PPARGC1A: variants seen among roughly 807,000 people sequenced by gnomAD.
PPARGC1A encodes the protein peroxisome proliferator-activated receptor gamma coactivator 1-alpha.
A neutral mutation model predicts 88.7 loss-of-function variants in PPARGC1A; 25 were observed. That is an observed-to-expected ratio of 0.28 (90% CI 0.21 to 0.39). PPARGC1A has a LOEUF of 0.39. Ranked by LOEUF, PPARGC1A falls within the 10% of genes least tolerant of loss-of-function variation. PPARGC1A has a pLI of 1.00. For synonymous variants in PPARGC1A, 363 were observed against 355.6 expected, an observed-to-expected ratio of 1.02 and a Z score of -0.24; for missense variants, 880 against 968.7, an observed-to-expected ratio of 0.91 and a Z score of 1.22.
chr4:24,436,011 G>A, the PPARGC1A span, among the ~76,000 whole-genome samples: 2 of 152,142 alleles, frequency 1.3e-5, no homozygotes, highest in Non-Finnish European at 2.9e-5. Context: ...GGGCTGCTAG[G>A]TTGCATCCAC....
chr4:24,079,619 A>G, the PPARGC1A span, among the ~76,000 whole-genome samples: 1 of 152,020 alleles, frequency 6.6e-6, no homozygotes, highest in South Asian at 2.1e-4. Flanking sequence ...TACATAGTCA[A>G]AATTGTCACT....
the PPARGC1A span, among the ~76,000 whole-genome samples, chr4:24,130,001 G>T: frequency 1.3e-5 from 2 of 152,100 alleles, no homozygotes; most frequent in African/African-American, 4.8e-5. Flanking sequence ...CCTGTTGAGG[G>T]GTGGGGGGAC....
the PPARGC1A span, among the ~76,000 whole-genome samples, chr4:24,154,816 T>A: frequency 6.6e-6 from 1 of 152,148 alleles, no homozygotes; most frequent in African/African-American, 2.4e-5. Flanking sequence ...ACCAGCATTA[T>A]AAAGGCAGGA....
the PPARGC1A span, among the ~76,000 whole-genome samples, chr4:24,065,143 C>G: frequency 1.3e-5 from 2 of 152,118 alleles, no homozygotes; most frequent in African/African-American, 2.4e-5. Context: ...GAGAAGGGAC[C>G]TACCTGATTC....
chr4:23,913,627 C>T, the PPARGC1A span, among the ~76,000 whole-genome samples: 70 of 152,148 alleles, frequency 4.6e-4, 1 homozygote, highest in East Asian at 2.9e-3. Flanking sequence ...ATAAGCTCCA[C>T]GAAGACAAGA....
chr4:24,378,295 C>T, the PPARGC1A span, among the ~76,000 whole-genome samples: 1 of 152,208 alleles, frequency 6.6e-6, no homozygotes, highest in African/African-American at 2.4e-5. Flanking sequence ...AGAGATCATG[C>T]CACTGCACTC....
the PPARGC1A span, among the ~76,000 whole-genome samples, chr4:23,913,007 A>T: frequency 6.8e-6 from 1 of 147,334 alleles, no homozygotes; most frequent in African/African-American, 2.5e-5. Context: ...GGGTTTCACC[A>T]TGTTAGCCAG....
At chr4:24,332,542 A>G in the PPARGC1A span, among the ~76,000 whole-genome samples, 1 of 152,206 alleles carries the variant, frequency 6.6e-6, no homozygotes, top group African/African-American at 2.4e-5. Context: ...AAACATCTTT[A>G]CCTTGTGTCT....
the PPARGC1A span, among the ~76,000 whole-genome samples, chr4:24,125,892 T>G: frequency 6.6e-6 from 1 of 152,162 alleles, no homozygotes; most frequent in East Asian, 1.9e-4. Context: ...AATAAATAAG[T>G]AAACACCTTT....
chr4:23,995,965 A>T, the PPARGC1A span, among the ~76,000 whole-genome samples: 1 of 152,232 alleles, frequency 6.6e-6, no homozygotes, highest in Non-Finnish European at 1.5e-5. Flanking sequence ...GACACCTGAC[A>T]GTAAGCCAAA....
chr4:24,262,737 T>C, the PPARGC1A span, among the ~76,000 whole-genome samples: 2 of 152,068 alleles, frequency 1.3e-5, no homozygotes, highest in Non-Finnish European at 2.9e-5. Context: ...CAGCAGGATG[T>C]GGTTTTAGTG....
At chr4:23,969,256 G>A in the PPARGC1A span, among the ~76,000 whole-genome samples, 1 of 152,096 alleles carries the variant, frequency 6.6e-6, no homozygotes, top group Non-Finnish European at 1.5e-5. Flanking sequence ...ATTTATTGAG[G>A]GCTTACTGTG....
chr4:24,340,787 T>C, the PPARGC1A span, among the ~76,000 whole-genome samples: 1 of 152,154 alleles, frequency 6.6e-6, no homozygotes, highest in African/African-American at 2.4e-5. Context: ...GACAGTTCTG[T>C]TTGAACCGTG....
At chr4:24,124,407 C>T in the PPARGC1A span, among the ~76,000 whole-genome samples, 1 of 152,224 alleles carries the variant, frequency 6.6e-6, no homozygotes, top group Non-Finnish European at 1.5e-5. Context: ...GCCCATCTGT[C>T]TTAATTCAAT....
At chr4:24,285,855 G>A in the PPARGC1A span, among the ~76,000 whole-genome samples, 7 of 152,096 alleles carry the variant, frequency 4.6e-5, no homozygotes, top group African/African-American at 1.7e-4. Flanking sequence ...AAAAATATGT[G>A]ATTTCGTTTC....
the PPARGC1A span, among the ~76,000 whole-genome samples, chr4:24,431,854 A>G: frequency 6.6e-6 from 1 of 152,244 alleles, no homozygotes; most frequent in Non-Finnish European, 1.5e-5. Context: ...AGGGAAGGAA[A>G]GTATTTCAAA....
At chr4:24,251,565 A>C in the PPARGC1A span, among the ~76,000 whole-genome samples, 2 of 152,216 alleles carry the variant, frequency 1.3e-5, no homozygotes, top group Non-Finnish European at 2.9e-5. Context: ...GGTCCTTCTT[A>C]AATAAATATA....
rs183726414 is a variant in PPARGC1A, at chr4:23,851,699, A to G, written c.235-19948T>C. Among the ~76,000 whole-genome samples the G allele has an allele frequency of 1.9e-3, 285 of 152,310 alleles. 3 individuals are homozygous for G. The highest frequency in any genetic ancestry group is 5.3e-4 in the Non-Finnish European group (36 of 68,022). On this transcript the variant is annotated intron_variant, in intron 2 of 12. Coordinates refer to ENST00000264867, the MANE Select transcript of PPARGC1A (RefSeq NM_013261.5). ...CATTACTAAATATATCAACATTACC[A>G]TATTAACTGCTCTGTTCAAGCTTCA... is the stretch of plus-strand genomic sequence containing the variant.
chr4:24,144,018 CA>C, the PPARGC1A span, among the ~76,000 whole-genome samples: 56 of 152,318 alleles, frequency 3.7e-4, no homozygotes, highest in African/African-American at 1.3e-3. Flanking sequence ...TTCATTCAAC[CA>C]GCCCCTACTG....
Sources: gnomAD v4.1 joint callset for allele counts (sites outside exome capture counted in the v4.1 genomes callset) on GRCh38, gnomAD v4.1.1 for gene constraint, MANE v1.5 for transcripts, NCBI Gene and HGNC (gene_info 2026-07-23, HGNC 2026-07-21) for gene names.